The following TLK2 variants were observed in gnomAD, a reference collection of about 807,000 sequenced individuals.
The protein encoded by TLK2 is serine/threonine-protein kinase tousled-like 2.
TLK2 carries 6 observed loss-of-function variants against 117.3 expected under a neutral mutation model. The ratio of observed to expected loss-of-function variants is 0.05; its 90% confidence interval spans 0.03 to 0.10. The LOEUF (loss-of-function observed/expected upper bound fraction) is 0.10. Among genes scored for constraint, TLK2 ranks in the 10% least tolerant of loss-of-function variants. TLK2 has a pLI of 1.00. For synonymous variants in TLK2, 257 were observed against 316.7 expected (o/e 0.81, Z 2.00); for missense variants, 299 against 901.2 (o/e 0.33, Z 8.56).
At position 62,576,873 on chromosome 17, in the gene TLK2, G is replaced by T. The variant is rs1300862243; in HGVS notation, c.1188+98G>T. 3.0e-5 allele frequency: 25 copies of T among 836,576 alleles called. No individual in the cohort carries two copies. In the South Asian group the frequency reaches 3.7e-4, roughly 12 times the overall value. The allele number at this position is 836,576 out of a possible 1,614,324, so 51.8% of individuals were successfully genotyped here. The stretch of plus-strand genomic sequence containing the variant: ...CATTTGGGTGAATGTAATAGTAGCT[G>T]CACATAGCAGCAGAAAGCTTCAGTG... On this transcript the variant is annotated intron_variant, in intron 13 of 21. Coordinates refer to ENST00000346027, the MANE Select transcript of TLK2 (RefSeq NM_006852.6).
intron 7 of TLK2, among the ~76,000 whole-genome samples, chr17:62,541,661 G>A (rs1476628262): frequency 2.0e-5 from 3 of 152,118 alleles, no homozygotes; most frequent in African/African-American, 7.2e-5. Flanking sequence ...GCTGGGGTAC[G>A]GTGGCTATTT....
At position 62,537,637 on chromosome 17, in the gene TLK2, C is replaced by G. The variant is rs190753483; in HGVS notation, c.531+1300C>G. On this transcript the variant is annotated intron_variant, in intron 7 of 21. Transcript: ENST00000346027. ...TGGTTTCTGCTTGCACCCTGAGCTG[C>G]CTGGGATAGGCTCTGGCTTTTCACC... is the stretch of plus-strand genomic sequence containing the variant. 1.1e-3 allele frequency among the ~76,000 whole-genome samples: 160 copies of G among 152,218 alleles called. 1 individual carries two copies. Among genetic ancestry groups the G allele is most frequent in the Non-Finnish European group, 1.3e-4 (9 of 68,012 alleles).
intron 7 of TLK2, among the ~76,000 whole-genome samples, chr17:62,540,400 A>ATTTTTTTTTTTGTTTTTTTTTT (rs2077439635): frequency 5.0e-5 from 1 of 19,990 alleles, no homozygotes; most frequent in African/African-American, 7.3e-5. Flanking sequence ...TATGTTCAGA[A>ATTTTTTTTTTTGTTTTTTTTTT]TTTTTTTTTT....
chr17:62,515,171 C>T (rs1454231522), intron 2 of TLK2, among the ~76,000 whole-genome samples: 1 of 152,156 alleles, frequency 6.6e-6, no homozygotes, highest in African/African-American at 2.4e-5. Flanking sequence ...CAGGGCTTAT[C>T]CATGTTGTAG....
chr17:62,546,850 G>T (rs1323520866), intron 7 of TLK2, among the ~76,000 whole-genome samples: 1 of 151,904 alleles, frequency 6.6e-6, no homozygotes, highest in East Asian at 1.9e-4. Context: ...ATGAGACACC[G>T]CACCCGGCCT....
chr17:62,500,535 A>G (rs1252628042), intron 2 of TLK2, among the ~76,000 whole-genome samples: 7 of 152,244 alleles, frequency 4.6e-5, no homozygotes, highest in Non-Finnish European at 1.0e-4. Context: ...ACATTTGGAA[A>G]TTACAACATT....
Position 62,554,674 on chromosome 17 carries a change from G to C in TLK2, c.720+919G>C, listed in dbSNP as rs143557643. Among the ~76,000 whole-genome samples the C allele has an allele frequency of 1.8e-3, 278 of 152,156 alleles. 1 individual carries two copies. Among genetic ancestry groups the C allele is most frequent in the African/African-American group, 6.1e-3 (252 of 41,516 alleles). ...GGCAGGAGGATTGCTTGAGATCAGGGGTTTGAGACCAGCATGCATGACACA... is the reference window on the plus strand; with the variant it reads ...GGCAGGAGGATTGCTTGAGATCAGGCGTTTGAGACCAGCATGCATGACACA... On this transcript the variant is annotated intron_variant, in intron 9 of 21. Transcript: ENST00000346027.
At chr17:62,531,827 C>A (rs1350626833) in intron 6 of TLK2, among the ~76,000 whole-genome samples, 1 of 152,160 alleles carries the variant, frequency 6.6e-6, no homozygotes, top group Non-Finnish European at 1.5e-5. Context: ...CTCAAGACAA[C>A]CCCCAACTCT....
chr17:62,584,755 A>G (rs2081488522), intron 15 of TLK2, among the ~76,000 whole-genome samples: 1 of 152,218 alleles, frequency 6.6e-6, no homozygotes, highest in Non-Finnish European at 1.5e-5. Context: ...ATTTGGTATA[A>G]ATGATGGAAG....
chr17:62,568,473 A>G (rs951809442), intron 11 of TLK2, among the ~76,000 whole-genome samples: 6 of 151,802 alleles, frequency 4.0e-5, no homozygotes, highest in African/African-American at 1.5e-4. Flanking sequence ...TGACCTGTGT[A>G]CAAAATTGTG....
At chr17:62,576,595 AT>A (rs2080805403) in intron 12 of TLK2, 113 bp from the exon 13 acceptor site, 1 of 811,316 alleles carries the variant, frequency 1.2e-6, no homozygotes, top group Non-Finnish European at 2.1e-6. Context: ...TCTTTCAGTC[AT>A]TTTAACTGAG....
chr17:62,571,334 G>A (rs1454158184), intron 11 of TLK2, among the ~76,000 whole-genome samples: 1 of 152,012 alleles, frequency 6.6e-6, no homozygotes, highest in Non-Finnish European at 1.5e-5. Context: ...CCTAATAAAT[G>A]TAAATGCTAT....
intron 8 of TLK2, 56 bp downstream of exon 8, chr17:62,552,453 G>A: frequency 6.2e-7 from 1 of 1,612,468 alleles, no homozygotes; most frequent in Non-Finnish European, 8.5e-7. Context: ...AGGAATAAGG[G>A]CTAACCTGTG....
intron 15 of TLK2, among the ~76,000 whole-genome samples, chr17:62,585,080 A>G (rs2081513180): frequency 6.6e-6 from 1 of 152,346 alleles, no homozygotes; most frequent in South Asian, 2.1e-4. Context: ...ATTTACACCC[A>G]GCTTCCTCAA....
chr17:62,534,625 G>T (rs557527588), intron 6 of TLK2, among the ~76,000 whole-genome samples: 6 of 151,862 alleles, frequency 4.0e-5, no homozygotes, highest in Non-Finnish European at 8.8e-5. Flanking sequence ...CCATTGATTT[G>T]CTTGGTTTCC....
chr17:62,598,012 AC>A (rs2082605678), intron 17 of TLK2, among the ~76,000 whole-genome samples: 1 of 152,220 alleles, frequency 6.6e-6, no homozygotes, highest in South Asian at 2.1e-4. Flanking sequence ...CAGCTGCCTT[AC>A]ATTTAGAAAT....
At chr17:62,540,400 A>ATTTTTTTTTTTTTTT (rs534202077) in intron 7 of TLK2, among the ~76,000 whole-genome samples, 412 of 19,932 alleles carry the variant, frequency 0.021, 116 homozygotes, top group East Asian at 0.061. Flanking sequence ...TATGTTCAGA[A>ATTTTTTTTTTTTTTT]TTTTTTTTTT....
At position 62,606,111 on chromosome 17, in the gene TLK2, T is replaced by A. The variant is rs754249143; in HGVS notation, c.1860-19T>A. 1.7e-6 allele frequency: 2 copies of A among 1,196,864 alleles called. No individual in the cohort carries two copies. The highest frequency in any genetic ancestry group is 1.2e-6 in the Non-Finnish European group (1 of 837,228). 74.1% of individuals were successfully genotyped at this position (1,196,864 alleles called of 1,614,324 possible). ...ATATGATCATTATTCTAATAATTTA[T>A]ATTTCTTTTTTGTCCCAGGTATTTA... is the stretch of plus-strand genomic sequence containing the variant. On this transcript the variant is annotated intron_variant, in intron 19 of 21. Coordinates refer to ENST00000346027, the MANE Select transcript of TLK2 (RefSeq NM_006852.6).
chr17:62,543,429 A>C (rs1018163901), intron 7 of TLK2, among the ~76,000 whole-genome samples: 1 of 152,222 alleles, frequency 6.6e-6, no homozygotes, highest in Non-Finnish European at 1.5e-5. Flanking sequence ...AGACTCTTCC[A>C]CAGCAGCTGC....
Sources: gnomAD v4.1 joint callset for allele counts (sites outside exome capture counted in the v4.1 genomes callset) on GRCh38, gnomAD v4.1.1 for gene constraint, MANE v1.5 for transcripts, NCBI Gene and HGNC (gene_info 2026-07-23, HGNC 2026-07-21) for gene names.